Variants in SRGAP3 observed in about 807,000 individuals in gnomAD.
The protein encoded by SRGAP3 is SLIT-ROBO Rho GTPase-activating protein 3.
In SRGAP3, 39 loss-of-function variants were observed where a neutral mutation model predicts 121.1. That is an observed-to-expected ratio of 0.32 (90% confidence interval 0.25 to 0.42). The LOEUF (loss-of-function observed/expected upper bound fraction) is 0.42. Ranked by LOEUF, SRGAP3 falls within the 10% of genes least tolerant of loss-of-function variation. The pLI is 1.00. For synonymous variants in SRGAP3, 601 were observed against 570.0 expected (o/e 1.05, Z -0.77); for missense variants, 1,213 against 1,470.6 (o/e 0.82, Z 2.86).
chr3:9,214,866 G>A (rs1952562518), intron 1 of SRGAP3, among the ~76,000 whole-genome samples: 1 of 152,150 alleles, frequency 6.6e-6, no homozygotes, highest in Non-Finnish European at 1.5e-5. Flanking sequence ...ACACGCTACA[G>A]GAGGATGGAT....
rs191726376 is a variant in SRGAP3, at chr3:9,304,235, G to A, written n.442+21775C>T. Reference sequence around the variant, plus strand: ...CAACACCCAGCAGAGAGCCTGGCACGTGGGGGTTGCCCATAAACACTTGCC... The same window carrying A: ...CAACACCCAGCAGAGAGCCTGGCACATGGGGGTTGCCCATAAACACTTGCC... On this transcript the variant is annotated intron_variant and non_coding_transcript_variant, in intron 3 of 3. Coordinates refer to the SRGAP3 transcript ENST00000490889. Among the ~76,000 whole-genome samples the A allele has an allele frequency of 1.1e-3, 172 of 152,274 alleles. 2 individuals carry two copies. Among genetic ancestry groups the A allele is most frequent in the Admixed American group, 0.01 (154 of 15,298 alleles).
chr3:9,116,626 G>A (rs1345418800), intron 2 of SRGAP3, among the ~76,000 whole-genome samples: 1 of 152,166 alleles, frequency 6.6e-6, no homozygotes, highest in Admixed American at 6.5e-5. Context: ...AGTTGACCAG[G>A]AGGATAATAG....
chr3:8,991,368 C>T (rs1942047242), intron 20 of SRGAP3, among the ~76,000 whole-genome samples: 1 of 152,134 alleles, frequency 6.6e-6, no homozygotes, highest in Admixed American at 6.5e-5. Flanking sequence ...GAAGAGGGCT[C>T]CTTCTGCGAG....
chr3:9,333,717 T>C (rs1955645794), intron 1 of SRGAP3, among the ~76,000 whole-genome samples: 1 of 152,208 alleles, frequency 6.6e-6, no homozygotes, highest in Non-Finnish European at 1.5e-5. Flanking sequence ...TGTAAGCATC[T>C]GATCTGCGAT....
chr3:9,202,955 T>A (rs191054986), intron 1 of SRGAP3, among the ~76,000 whole-genome samples: 31 of 152,258 alleles, frequency 2.0e-4, no homozygotes, highest in African/African-American at 7.0e-4. Flanking sequence ...CAGCCACTTC[T>A]CCCCAAGCCA....
intron 3 of SRGAP3, among the ~76,000 whole-genome samples, chr3:9,279,278 A>G (rs773605291): frequency 9.2e-5 from 14 of 152,174 alleles, no homozygotes; most frequent in Non-Finnish European, 1.3e-4. Context: ...AGAAACACCT[A>G]TAAGCTGAGA....
At chr3:9,232,715 C>T (rs1414084583) in intron 1 of SRGAP3, among the ~76,000 whole-genome samples, 1 of 152,130 alleles carries the variant, frequency 6.6e-6, no homozygotes, top group African/African-American at 2.4e-5. Context: ...TTGTAAAATG[C>T]AGATTCCCAG....
At chr3:9,208,247 G>T (rs1391591340) in intron 1 of SRGAP3, among the ~76,000 whole-genome samples, 1 of 151,708 alleles carries the variant, frequency 6.6e-6, no homozygotes, top group Admixed American at 6.6e-5. Context: ...TCCAGTCCTA[G>T]TCAGTCTAGC....
chr3:9,237,137 C>A (rs191697565), intron 1 of SRGAP3, among the ~76,000 whole-genome samples: 7 of 152,276 alleles, frequency 4.6e-5, no homozygotes, highest in Admixed American at 1.3e-4. Flanking sequence ...TCAGTATGCA[C>A]CCCAAAACGT....
intron 1 of SRGAP3, among the ~76,000 whole-genome samples, chr3:9,174,943 C>T (rs1299837410): frequency 6.6e-6 from 1 of 152,036 alleles, no homozygotes; most frequent in African/African-American, 2.4e-5. Flanking sequence ...AGGAAGACAC[C>T]AGGGAGGCGT....
At chr3:8,987,506 C>T (rs1941785405) in intron 21 of SRGAP3, among the ~76,000 whole-genome samples, 1 of 152,176 alleles carries the variant, frequency 6.6e-6, no homozygotes, top group Non-Finnish European at 1.5e-5. Flanking sequence ...CTTTCTGCAC[C>T]CTGGTCTTTT....
chr3:9,325,034 C>T (rs1955494789), intron 3 of SRGAP3, among the ~76,000 whole-genome samples: 1 of 151,746 alleles, frequency 6.6e-6, no homozygotes, highest in Admixed American at 6.5e-5. Flanking sequence ...GCCTTAGCAC[C>T]ACTCTCAGTT....
At chr3:9,148,497 A>T (rs1950099821) in intron 1 of SRGAP3, among the ~76,000 whole-genome samples, 1 of 152,244 alleles carries the variant, frequency 6.6e-6, no homozygotes, top group African/African-American at 2.4e-5. Flanking sequence ...GGGTGAAGCC[A>T]GACTTGTCAA....
Position 9,343,169 on chromosome 3 carries a change from C to T in SRGAP3, n.215-12573G>A, listed in dbSNP as rs138179639. 7.1e-4 allele frequency among the ~76,000 whole-genome samples: 108 copies of T among 152,312 alleles called. 1 individual carries two copies. Among genetic ancestry groups the T allele is most frequent in the Non-Finnish European group, 1.2e-3 (85 of 68,038 alleles). On this transcript the variant is annotated intron_variant and non_coding_transcript_variant, in intron 1 of 3. Coordinates refer to the SRGAP3 transcript ENST00000490889. ...TTTTGCTCAACTGTATGTCCATTAA[C>T]GTAGCTAAACAAGCTGGAAAGCCAA...
At chr3:9,288,606 C>A (rs1320695977) in intron 3 of SRGAP3, among the ~76,000 whole-genome samples, 2 of 148,574 alleles carry the variant, frequency 1.3e-5, no homozygotes, top group Non-Finnish European at 3.0e-5. Flanking sequence ...GACAAGTTCT[C>A]ACTCTGTCAC....
intron 1 of SRGAP3, among the ~76,000 whole-genome samples, chr3:9,241,732 T>C (rs1340039873): frequency 2.0e-5 from 3 of 152,116 alleles, no homozygotes; most frequent in Admixed American, 6.5e-5. Flanking sequence ...TAAGGTTAGA[T>C]AAGATCATGA....
intron 20 of SRGAP3, 38 bp from the exon 21 acceptor site, chr3:8,990,877 G>A (rs1942017526): frequency 6.8e-7 from 1 of 1,461,938 alleles, no homozygotes. Context: ...ATGGGGCAGA[G>A]GTCAAGCCTG....
intron 2 of SRGAP3, among the ~76,000 whole-genome samples, chr3:9,119,078 G>T (rs934189356): frequency 6.6e-6 from 1 of 152,180 alleles, no homozygotes; most frequent in African/African-American, 2.4e-5. Flanking sequence ...TGCCATCTCG[G>T]AGCTTGCAGC....
At chr3:9,178,831 C>T (rs576096881) in intron 1 of SRGAP3, among the ~76,000 whole-genome samples, 56 of 152,282 alleles carry the variant, frequency 3.7e-4, no homozygotes, top group African/African-American at 1.3e-3. Context: ...TTTGTTCCGC[C>T]CTAGACCCGG....
Sources: gnomAD v4.1 joint callset for allele counts (sites outside exome capture counted in the v4.1 genomes callset) on GRCh38, gnomAD v4.1.1 for gene constraint, MANE v1.5 for transcripts, NCBI Gene and HGNC (gene_info 2026-07-23, HGNC 2026-07-21) for gene names.